Variants in CREB1 observed in about 807,000 individuals in gnomAD.
CREB1 encodes cyclic AMP-responsive element-binding protein 1.
Under a neutral mutation model 42.0 loss-of-function variants are expected in CREB1, and 2 were observed. That is an observed-to-expected ratio of 0.05 (90% confidence interval 0.02 to 0.15). CREB1 has a LOEUF of 0.15. Ranked by LOEUF, CREB1 falls within the 10% of genes least tolerant of loss-of-function variation. The probability of loss-of-function intolerance (pLI) is 1.00; values close to 1 mark genes in which losing one functional copy is unlikely to be tolerated. For synonymous variants in CREB1, 123 were observed against 139.9 expected, an observed-to-expected ratio of 0.88 and a Z score of 0.85; for missense variants, 199 against 388.9, an observed-to-expected ratio of 0.51 and a Z score of 4.11.
chr2:207,590,655 G>A (rs1296002917), intron 7 of CREB1, among the ~76,000 whole-genome samples: 1 of 151,866 alleles, frequency 6.6e-6, no homozygotes, highest in African/African-American at 2.4e-5. Flanking sequence ...TTTGTAAAGG[G>A]CCAGATAGTA....
intron 1 of CREB1, among the ~76,000 whole-genome samples, chr2:207,540,524 A>G (rs2081051115): frequency 6.6e-6 from 1 of 151,894 alleles, no homozygotes; most frequent in South Asian, 2.1e-4. Flanking sequence ...CATGCCTGTA[A>G]TCCCTGCTAC....
chr2:207,576,241 C>CTTTTTTTTTTTTTTTTTTTGGTTT (rs35735523), intron 6 of CREB1, among the ~76,000 whole-genome samples: 1 of 101,068 alleles, frequency 9.9e-6, no homozygotes, highest in African/African-American at 3.8e-5. Flanking sequence ...CTTTTTTTGG[C>CTTTTTTTTTTTTTTTTTTTGGTTT]TTTTTTTTTT....
intron 1 of CREB1, among the ~76,000 whole-genome samples, chr2:207,533,723 C>G (rs1188198570): frequency 6.6e-6 from 1 of 151,646 alleles, no homozygotes; most frequent in Non-Finnish European, 1.5e-5. Context: ...TTTTCTTACC[C>G]ATGTGTAAAC....
intron 5 of CREB1, among the ~76,000 whole-genome samples, chr2:207,570,713 G>C (rs1170524017): frequency 1.3e-5 from 2 of 151,992 alleles, no homozygotes; most frequent in African/African-American, 4.8e-5. Context: ...AGTTTGTCTT[G>C]CCTTCTGAAA....
rs1424234117 is a variant in CREB1, at chr2:207,605,256, A to G, written c.*8198A>G. 1.3e-5 allele frequency among the ~76,000 whole-genome samples: 2 copies of G among 152,130 alleles called. No homozygotes were observed. Among genetic ancestry groups the G allele is most frequent in the Non-Finnish European group, 1.5e-5 (1 of 68,032 alleles). ...TTTTGCCATTTTAAAAATTATAGCC[A>G]TCCTCATGGGTGTGGTCTCTCATTG... On this transcript the variant is annotated 3_prime_UTR_variant, in exon 8 of 8. Transcript: ENST00000353267.
chr2:207,562,724 A>G (rs922472375), intron 3 of CREB1, among the ~76,000 whole-genome samples: 1 of 152,234 alleles, frequency 6.6e-6, no homozygotes, highest in Non-Finnish European at 1.5e-5. Flanking sequence ...CAACTAGGAA[A>G]TAGTTTTTAT....
intron 4 of CREB1, among the ~76,000 whole-genome samples, chr2:207,568,379 A>G (rs75987039): frequency 6.6e-6 from 1 of 152,256 alleles, no homozygotes; most frequent in East Asian, 1.9e-4. Context: ...ATATGTATTT[A>G]TATTCATAAT....
rs1322772296 is a variant in CREB1 at position 207,600,898 on chromosome 2, A to G, written c.*3840A>G. ...TTGTTTAAACCAGGATGCTTTACTT[A>G]CTTGAAGTGACTTCAATCTAGATTT... On this transcript the variant is annotated 3_prime_UTR_variant, in exon 8 of 8. Transcript: ENST00000353267. 5.0e-6 allele frequency: 1 copy of G among 201,846 alleles called. No homozygotes were observed. Among genetic ancestry groups the G allele is most frequent in the Non-Finnish European group, 1.0e-5 (1 of 98,152 alleles). The allele number at this position is 201,846 out of a possible 1,614,324, so 12.5% of individuals were successfully genotyped here. A position where few individuals can be genotyped will look rare whatever the true frequency, so the allele number is the denominator to read the frequency against.
At position 207,571,022 on chromosome 2, in the gene CREB1, C is replaced by CTTTTTTTTTTTTTTT. The variant is rs71036933; in HGVS notation, c.505+713_505+714insTTTTTTTTTTTTTTT. On this transcript the variant is annotated intron_variant, in intron 5 of 7. Coordinates refer to ENST00000353267, the MANE Select transcript of CREB1 (RefSeq NM_004379.5). ...GAATGGTACTTTTTTCTCTTTTTCC[C>CTTTTTTTTTTTTTTT]TTTTTTTTTTTTGCCTCTCAAAGTG... is the stretch of plus-strand genomic sequence containing the variant. Among the ~76,000 whole-genome samples, 12 of 68,444 alleles carry CTTTTTTTTTTTTTTT rather than the reference C, an allele frequency of 1.8e-4. 2 individuals carry two copies. The highest frequency in any genetic ancestry group is 3.8e-4 in the Admixed American group (2 of 5,262). 44.9% of individuals were successfully genotyped at this position (68,444 alleles called of 152,430 possible). A position where few individuals can be genotyped will look rare whatever the true frequency, so the allele number is the denominator to read the frequency against.
intron 4 of CREB1, chr2:207,567,787 T>C: frequency 3.1e-6 from 1 of 324,306 alleles, no homozygotes; most frequent in Non-Finnish European, 5.7e-6. Flanking sequence ...TGTTTCTGTT[T>C]CTGTAGACTG....
chr2:207,534,185 C>G (rs2080770555), intron 1 of CREB1, among the ~76,000 whole-genome samples: 1 of 152,188 alleles, frequency 6.6e-6, no homozygotes, highest in Non-Finnish European at 1.5e-5. Flanking sequence ...ATACTAAGTC[C>G]CAGGCATTGT....
intron 3 of CREB1, among the ~76,000 whole-genome samples, chr2:207,561,985 T>G (rs1428360624): frequency 1.3e-5 from 2 of 152,214 alleles, no homozygotes; most frequent in South Asian, 4.1e-4. Flanking sequence ...TTGGATCAAT[T>G]TCCATAAGAC....
At position 207,570,240 on chromosome 2, in the gene CREB1, T is replaced by A; in HGVS notation, c.424T>A (p.Ser142Thr). ...PGVPRIEEEK[S>T]EEETSAPAIT... ...AGTGCCAAGGATTGAAGAAGAGAAG[T>A]CTGAAGAGGAGACTTCAGCACCTGC... is the stretch of plus-strand genomic sequence containing the variant. The change falls in exon 5 of 8, where the codon TCT becomes ACT. Residue 142 changes from serine (S) to threonine (T), a missense_variant. Physicochemically the swap from Ser to Thr is moderately conservative, Grantham distance 58 (BLOSUM62 1). Transcript: ENST00000353267. 6.2e-7 allele frequency: 1 copy of A among 1,613,784 alleles called. No homozygotes were observed. Among genetic ancestry groups the A allele is most frequent in the Non-Finnish European group, 8.5e-7 (1 of 1,179,772 alleles).
chr2:207,576,128 CA>C (rs1212893360), intron 6 of CREB1, among the ~76,000 whole-genome samples: 5 of 150,902 alleles, frequency 3.3e-5, no homozygotes, highest in Non-Finnish European at 5.9e-5. Context: ...GTTTTTGTTT[CA>C]AATGAAAACA....
chr2:207,576,859 AAT>A (rs1388691681), intron 6 of CREB1: 3 of 956,454 alleles, frequency 3.1e-6, no homozygotes, highest in African/African-American at 3.5e-5. Context: ...CAGTTTGACA[AAT>A]AGTGATTGTG....
intron 1 of CREB1, among the ~76,000 whole-genome samples, chr2:207,533,053 A>G (rs1408546709): frequency 6.6e-6 from 1 of 151,970 alleles, no homozygotes; most frequent in East Asian, 1.9e-4. Context: ...TGTTCCAGCC[A>G]TGGATAAAAA....
At chr2:207,571,022 C>CTTTTTTTTTTTTTTTTTTT (rs71036933) in intron 5 of CREB1, among the ~76,000 whole-genome samples, 4 of 68,452 alleles carry the variant, frequency 5.8e-5, no homozygotes, top group Non-Finnish European at 9.8e-5. Flanking sequence ...CTCTTTTTCC[C>CTTTTTTTTTTTTTTTTTTT]TTTTTTTTTT....
At position 207,556,274 on chromosome 2, in the gene CREB1, A is replaced by G. The variant is rs191382951; in HGVS notation, c.114+525A>G. On this transcript the variant is annotated intron_variant, in intron 2 of 7. Transcript: ENST00000353267. ...ATTTCATCTTTCTCTTTAACATCCTATCTTTAAGAATATTTTCTCTCATTC... is the reference window on the plus strand; with the variant it reads ...ATTTCATCTTTCTCTTTAACATCCTGTCTTTAAGAATATTTTCTCTCATTC... Among the ~76,000 whole-genome samples, 78 of 152,262 alleles carry G rather than the reference A, an allele frequency of 5.1e-4. 1 individual carries two copies. Among genetic ancestry groups the G allele is most frequent in the Admixed American group, 4.5e-3 (69 of 15,292 alleles).
intron 1 of CREB1, among the ~76,000 whole-genome samples, chr2:207,540,669 T>TAAAAAAAAAAAAAAAAAAAA (rs35714520): frequency 6.1e-4 from 39 of 64,248 alleles, no homozygotes; most frequent in East Asian, 1.0e-3. Flanking sequence ...GTTTAAAAAG[T>TAAAAAAAAAAAAAAAAAAAA]AAAAAAAAAA....
Sources: allele counts gnomAD v4.1 joint callset (sites outside exome capture counted in the v4.1 genomes callset), GRCh38; gene constraint gnomAD v4.1.1; transcripts MANE v1.5; gene names NCBI Gene and HGNC (gene_info 2026-07-23, HGNC 2026-07-21).